Variants in IPP observed in about 807,000 individuals in gnomAD.
IPP encodes intracisternal A particle-promoted polypeptide.
Under a neutral mutation model 64.1 loss-of-function variants are expected in IPP, and 41 were observed. That is an observed-to-expected ratio of 0.64 (90% confidence interval 0.50 to 0.83). IPP has a LOEUF of 0.83. IPP is among the 40% of genes least tolerant of loss of function. IPP has a pLI of 0.00. For missense variants in IPP, 649 were observed against 703.0 expected, an observed-to-expected ratio of 0.92 and a Z score of 0.87; for synonymous variants, 214 against 235.2, an observed-to-expected ratio of 0.91 and a Z score of 0.83.
chr1:45,744,134 T>G (rs906121221), intron 2 of IPP, among the ~76,000 whole-genome samples: 2 of 152,182 alleles, frequency 1.3e-5, no homozygotes, highest in Non-Finnish European at 2.9e-5. Flanking sequence ...AACACTGTAG[T>G]GTCTTTCTTC....
At chr1:45,728,239 C>T (rs1051111465) in intron 4 of IPP, among the ~76,000 whole-genome samples, 1 of 150,490 alleles carries the variant, frequency 6.6e-6, no homozygotes, top group Non-Finnish European at 1.5e-5. Context: ...CTTACTGCAG[C>T]CTCGATCTTC....
At chr1:45,710,995 G>A (rs1339274186) in intron 8 of IPP, among the ~76,000 whole-genome samples, 1 of 128,784 alleles carries the variant, frequency 7.8e-6, no homozygotes, top group Non-Finnish European at 1.6e-5. Context: ...CTCTAGCCTG[G>A]GTGACAGAGC....
chr1:45,718,237 T>C (rs543998891), intron 6 of IPP, among the ~76,000 whole-genome samples: 1 of 152,326 alleles, frequency 6.6e-6, no homozygotes, highest in East Asian at 1.9e-4. Flanking sequence ...AAAAATGTTA[T>C]ATGCTTAATT....
chr1:45,748,633 C>T (rs1646172932), intron 1 of IPP, among the ~76,000 whole-genome samples: 1 of 152,218 alleles, frequency 6.6e-6, no homozygotes, highest in African/African-American at 2.4e-5. Flanking sequence ...GATGGTGCCA[C>T]TGCACTCCAG....
chr1:45,705,154 C>T (rs1208502059), intron 8 of IPP, among the ~76,000 whole-genome samples: 2 of 152,224 alleles, frequency 1.3e-5, no homozygotes, highest in Non-Finnish European at 2.9e-5. Context: ...AGGCCAAGAA[C>T]ATTCCTGGGC....
At chr1:45,748,089 A>C (rs1230330215) in intron 1 of IPP, among the ~76,000 whole-genome samples, 1 of 150,104 alleles carries the variant, frequency 6.7e-6, no homozygotes, top group African/African-American at 2.5e-5. Flanking sequence ...GAGAAATTTG[A>C]TTGAGAGATT....
intron 3 of IPP, among the ~76,000 whole-genome samples, chr1:45,730,040 T>C (rs1428974416): frequency 6.6e-6 from 1 of 152,222 alleles, no homozygotes; most frequent in Non-Finnish European, 1.5e-5. Context: ...TGCTTCACAG[T>C]ATCCCCCCAT....
intron 8 of IPP, among the ~76,000 whole-genome samples, chr1:45,711,455 T>C (rs774321811): frequency 6.7e-6 from 1 of 149,958 alleles, no homozygotes; most frequent in Non-Finnish European, 1.5e-5. Flanking sequence ...AAAACACTAA[T>C]GAAAAGAAAG....
At chr1:45,711,838 T>A (rs1645595153) in intron 8 of IPP, among the ~76,000 whole-genome samples, 1 of 150,556 alleles carries the variant, frequency 6.6e-6, no homozygotes, top group Non-Finnish European at 1.5e-5. Context: ...GAAGACATAA[T>A]AAACTTAATG....
intron 5 of IPP, among the ~76,000 whole-genome samples, chr1:45,723,786 G>C: frequency 6.6e-6 from 1 of 151,548 alleles, no homozygotes; most frequent in East Asian, 1.9e-4. Context: ...TACAATTTTT[G>C]GGTGGGGATG....
In IPP at chr1:45,714,340, C is replaced by A; in HGVS notation, c.1436G>T (p.Gly479Val). 6.2e-7 allele frequency: 1 copy of A among 1,614,108 alleles called. No individual in the cohort carries two copies. The highest frequency in any genetic ancestry group is 2.2e-5 in the East Asian group (1 of 44,876). ...PPMGTRRAYL[G>V]VAALNDCIYS... is the part of the protein sequence containing the mutation. ...GATGCAGTCATTGAGTGCAGCCACA[C>A]CAAGATATGCTCTCCTGGTTCCCAT... The change falls in exon 8 of 9, where the codon GGT becomes GTT. Residue 479 changes from glycine (G) to valine (V), a missense_variant. Transcript: ENST00000396478.
At chr1:45,743,673 C>A (rs1399770011) in intron 2 of IPP, among the ~76,000 whole-genome samples, 1 of 151,900 alleles carries the variant, frequency 6.6e-6, no homozygotes. Flanking sequence ...TTTGCCACTG[C>A]ATTCCAGCGT....
At chr1:45,749,448 C>T (rs1288358833) in intron 1 of IPP, among the ~76,000 whole-genome samples, 1 of 151,790 alleles carries the variant, frequency 6.6e-6, no homozygotes, top group Non-Finnish European at 1.5e-5. Flanking sequence ...ACACCTATAA[C>T]CCCAGCACTT....
Position 45,714,234 on chromosome 1 carries a change from C to T in IPP, c.1530+12G>A. 1 of 1,578,092 alleles carries T rather than the reference C, an allele frequency of 6.3e-7. No individual in the cohort carries two copies. Among genetic ancestry groups the T allele is most frequent in the Non-Finnish European group, 8.7e-7 (1 of 1,147,292 alleles). On this transcript the variant is annotated intron_variant, in intron 8 of 8. Coordinates refer to ENST00000396478, the MANE Select transcript of IPP (RefSeq NM_005897.3). ...TATCAGGATACTAAATATCTGAAAT[C>T]ATCCAACCTACCTCTTCAAAGGAAT...
chr1:45,729,707 A>G lies in IPP; in HGVS notation c.787T>C (p.Cys263Arg), dbSNP rs774162091. 51 of 1,608,534 alleles carry G rather than the reference A, an allele frequency of 3.2e-5. No homozygotes were observed. The highest frequency in any genetic ancestry group is 2.6e-4 in the South Asian group (24 of 90,802). ...QTLLKEYCEV[C>R]KSPKENKFCS... ...AACTTGTTCTCTTTGGGAGATTTGC[A>G]TACTTCACAGTACTCTTTCAGAAGT... is the stretch of plus-strand genomic sequence containing the variant. The change falls in exon 4 of 9, where the codon TGC becomes CGC. Residue 263 changes from cysteine to arginine, a missense_variant. By Grantham distance (180) the Cys-to-Arg change is radical (BLOSUM62 -3). Coordinates refer to ENST00000396478, the MANE Select transcript of IPP (RefSeq NM_005897.3).
chr1:45,717,048 G>A (rs952159835), intron 6 of IPP, 31 bp from the exon 7 acceptor site: 15 of 1,603,614 alleles, frequency 9.4e-6, no homozygotes, highest in East Asian at 6.7e-5. Flanking sequence ...GTTTGTTTCC[G>A]GGATAAAAGA....
chr1:45,733,788 C>T (rs1415975605), intron 3 of IPP, among the ~76,000 whole-genome samples: 1 of 151,246 alleles, frequency 6.6e-6, no homozygotes, highest in Non-Finnish European at 1.5e-5. Context: ...GCCGAGATCA[C>T]GCCATTGCAT....
At chr1:45,697,293 C>T (rs1645395491), downstream of IPP, 1 of 152,106 alleles carries the variant, frequency 6.6e-6, no homozygotes, top group African/African-American at 2.4e-5. Context: ...CTCTATGGCC[C>T]AGGCTAGAAC....
At chr1:45,729,542 C>T (rs201602255) in intron 4 of IPP, 72 bp downstream of exon 4, 8 of 606,340 alleles carry the variant, frequency 1.3e-5, no homozygotes, top group Non-Finnish European at 1.7e-5. Flanking sequence ...ATAGTAATAA[C>T]AACAAAATAT....
Sources: allele counts gnomAD v4.1 joint callset (sites outside exome capture counted in the v4.1 genomes callset), GRCh38; gene constraint gnomAD v4.1.1; transcripts MANE v1.5; gene names NCBI Gene and HGNC (gene_info 2026-07-23, HGNC 2026-07-21).